The following GOLGA8Q variants were observed in gnomAD, a reference collection of about 807,000 sequenced individuals.
The protein encoded by GOLGA8Q is golgin A8 family member Q.
A neutral mutation model predicts 48.7 loss-of-function variants in GOLGA8Q; 3 were observed. The ratio of observed to expected loss-of-function variants is 0.06; its 90% CI spans 0.03 to 0.16. GOLGA8Q has a LOEUF of 0.16. Among genes scored for constraint, GOLGA8Q ranks in the 10% least tolerant of loss-of-function variants. The pLI, the probability that GOLGA8Q is intolerant of heterozygous loss-of-function variation, is 1.00. For synonymous variants in GOLGA8Q, 22 were observed against 138.2 expected (o/e 0.16, Z 5.90); for missense variants, 49 against 364.3 (o/e 0.13, Z 7.05).
rs1205276329 is a variant in GOLGA8Q at position 30,560,545 on chromosome 15, G to A, written c.1210G>A (p.Glu404Lys). 3 of 1,119,746 alleles carry A rather than the reference G, an allele frequency of 2.7e-6. No individual in the cohort carries two copies. The highest frequency in any genetic ancestry group is 2.4e-5 in the East Asian group (1 of 42,502). 69.4% of individuals were successfully genotyped at this position (1,119,746 alleles called of 1,614,324 possible). The change falls in exon 14 of 19, where the codon GAA becomes AAA. Residue 404 changes from glutamate (E) to lysine (K), a missense_variant. Transcript: ENST00000562783. ...LQEKLGEEHLEAASQQNQQLT... is the reference protein window; with the variant it reads ...LQEKLGEEHLKAASQQNQQLT... ...TTTCCTGGCCCCTTAGGAGCACCTG[G>A]AAGCGGCCAGCCAGCAGAACCAGCA...
chr15:30,555,703 C>T (rs1384961670), intron 4 of GOLGA8Q, among the ~76,000 whole-genome samples: 9 of 86,302 alleles, frequency 1.0e-4, no homozygotes, highest in African/African-American at 1.2e-4. Flanking sequence ...GAAGGAGGGG[C>T]CTTTCTGAAA....
rs1341645297 is a variant in GOLGA8Q, at chr15:30,565,303, CTGA to C, written c.*2804_*2806del. Among the ~76,000 whole-genome samples, 7 of 93,662 alleles carry C rather than the reference CTGA, an allele frequency of 7.5e-5. No individual in the cohort carries two copies. Among genetic ancestry groups the C allele is most frequent in the African/African-American group, 2.5e-4 (6 of 23,652 alleles). 61.4% of individuals were successfully genotyped at this position (93,662 alleles called of 152,430 possible). A position where few individuals can be genotyped will look rare whatever the true frequency, so the allele number is the denominator to read the frequency against. On this transcript the variant is annotated 3_prime_UTR_variant, in exon 19 of 19. Transcript: ENST00000562783. ...AAAAAAATCAGCTCTAAAACCAAAG[CTGA>C]TTTTAGAAAATTTGAAAATGTAAAT...
At chr15:30,555,605 A>G (rs1231925611) in intron 4 of GOLGA8Q, among the ~76,000 whole-genome samples, 4 of 109,010 alleles carry the variant, frequency 3.7e-5, no homozygotes, top group Admixed American at 8.3e-5. Context: ...TTTCCATCCT[A>G]TATCTGCTGT....
In GOLGA8Q at chr15:30,558,332, T is replaced by C. The variant is rs372898373; in HGVS notation, c.872T>C (p.Met291Thr). ...ERSLSKLKNQ[M>T]AEPLPPEPPA... ...AGCTTGTCCAAACTCAAAAACCAGA[T>C]GGGTAAGATGGGGCTGGCATGACCT... The change falls in exon 11 of 19, where the codon ATG becomes ACG. Residue 291 changes from methionine to threonine, a missense_variant and splice_region_variant. Transcript: ENST00000562783. 109 of 379,880 alleles carry C rather than the reference T, an allele frequency of 2.9e-4. 12 individuals carry two copies. Among genetic ancestry groups the C allele is most frequent in the East Asian group, 4.7e-4 (15 of 32,178 alleles). The allele number at this position is 379,880 out of a possible 1,614,324, so 23.5% of individuals were successfully genotyped here. A position where few individuals can be genotyped will look rare whatever the true frequency, so the allele number is the denominator to read the frequency against.
rs1192586779 is a variant in GOLGA8Q, at chr15:30,557,055, G to A, written c.591+355G>A. On this transcript the variant is annotated intron_variant, in intron 8 of 18. Transcript: ENST00000562783. Reference sequence around the variant, plus strand: ...TACCATTTCTGTAGAAAGAGGAAACGCGTGCATGTGTGTGTGTGTGTGTGT... The same window carrying A: ...TACCATTTCTGTAGAAAGAGGAAACACGTGCATGTGTGTGTGTGTGTGTGT... Among the ~76,000 whole-genome samples the A allele has an allele frequency of 5.1e-4, 49 of 96,686 alleles. 1 individual carries two copies. Among genetic ancestry groups the A allele is most frequent in the African/African-American group, 1.7e-3 (33 of 19,330 alleles). The allele number at this position is 96,686 out of a possible 152,430, so 63.4% of individuals were successfully genotyped here. A position where few individuals can be genotyped will look rare whatever the true frequency, so the allele number is the denominator to read the frequency against.
Position 30,558,001 on chromosome 15 carries a change from G to C in GOLGA8Q, c.736G>C (p.Glu246Gln). ...AAGAGATGAGTGTGCTGAACATATA[G>C]AAGGAGAGAGGGCCCGGTGGCATCA... ...LERDECAEHI[E>Q]GERARWHQRM... The change falls in exon 10 of 19, where the codon GAA (glutamate) becomes CAA (glutamine). Residue 246 changes from glutamate (E) to glutamine (Q), a missense_variant. Transcript: ENST00000562783. 8.2e-7 allele frequency: 1 copy of C among 1,216,944 alleles called. No homozygotes were observed. Among genetic ancestry groups the C allele is most frequent in the South Asian group, 1.2e-5 (1 of 81,538 alleles). 75.4% of individuals were successfully genotyped at this position (1,216,944 alleles called of 1,614,324 possible).
At position 30,556,603 on chromosome 15, in the gene GOLGA8Q, AC is replaced by A; in HGVS notation, c.496del (p.Leu166TrpfsTer15). ...SLRYFEEESK[D>X]LAVRLQHSLQ... ...TCTCTCATTACAGAAGAGTCCAAGG[AC>A]CTGGCTGTCCGCCTGCAACATTCAT... On this transcript the variant is annotated frameshift_variant, in exon 8 of 19. Transcript: ENST00000562783. LOFTEE classifies it high-confidence loss of function. 1 of 810,778 alleles carries A rather than the reference AC, an allele frequency of 1.2e-6. No homozygotes were observed. Among genetic ancestry groups the A allele is most frequent in the South Asian group, 1.4e-5 (1 of 69,034 alleles). The allele number at this position is 810,778 out of a possible 1,614,324, so 50.2% of individuals were successfully genotyped here. A position where few individuals can be genotyped will look rare whatever the true frequency, so the allele number is the denominator to read the frequency against.
chr15:30,559,903 CT>C (rs1172799264), intron 13 of GOLGA8Q, among the ~76,000 whole-genome samples: 1 of 134,290 alleles, frequency 7.4e-6, no homozygotes, highest in Non-Finnish European at 1.6e-5. Context: ...GGATTCCAGC[CT>C]CGGTTCCACT....
In GOLGA8Q at chr15:30,558,024, T is replaced by G. The variant is rs775752046; in HGVS notation, c.759T>G (p.His253Gln). The change falls in exon 10 of 19, where the codon CAT becomes CAG. Residue 253 changes from histidine to glutamine, a missense_variant. His to Gln is a conservative substitution (Grantham distance 24). Transcript: ENST00000562783. ...TAGAAGGAGAGAGGGCCCGGTGGCA[T>G]CAGAGGATGAGTAAAATGTTGCAGG... is the stretch of plus-strand genomic sequence containing the variant. ...EHIEGERARW[H>Q]QRMSKMLQEI... 1.3e-5 allele frequency: 14 copies of G among 1,110,400 alleles called. 3 individuals are homozygous for G. Among genetic ancestry groups the G allele is most frequent in the Admixed American group, 4.4e-5 (2 of 45,884 alleles). The allele number at this position is 1,110,400 out of a possible 1,614,324, so 68.8% of individuals were successfully genotyped here. A position where few individuals can be genotyped will look rare whatever the true frequency, so the allele number is the denominator to read the frequency against.
chr15:30,559,720 T>A (rs1595582653), intron 13 of GOLGA8Q, among the ~76,000 whole-genome samples: 1 of 150,186 alleles, frequency 6.7e-6, no homozygotes, highest in Non-Finnish European at 1.5e-5. Context: ...TAGCAGGGCA[T>A]TGTGGCGCAT....
At chr15:30,554,383 A>T (rs374104841) in intron 2 of GOLGA8Q, among the ~76,000 whole-genome samples, 59 of 92,190 alleles carry the variant, frequency 6.4e-4, no homozygotes, top group East Asian at 1.4e-3. Flanking sequence ...GCAAGTTGCT[A>T]GACCTCATTG....
In GOLGA8Q at chr15:30,560,789, G is replaced by T; in HGVS notation, c.1276+178G>T. 3.2e-6 allele frequency: 2 copies of T among 628,466 alleles called. 1 individual carries two copies. Among genetic ancestry groups the T allele is most frequent in the Non-Finnish European group, 4.8e-6 (2 of 412,784 alleles). The allele number at this position is 628,466 out of a possible 1,614,324, so 38.9% of individuals were successfully genotyped here. On this transcript the variant is annotated intron_variant, in intron 14 of 18. Transcript: ENST00000562783. ...CCTCCTGTGAGCGGGCAGTCACCAAGTTGCCTAAGGGTGGCTGAACTGGCC... is the reference window on the plus strand; with the variant it reads ...CCTCCTGTGAGCGGGCAGTCACCAATTTGCCTAAGGGTGGCTGAACTGGCC...
chr15:30,552,204 T>TA, intron 1 of GOLGA8Q, 79 bp downstream of exon 1: 1 of 309,864 alleles, frequency 3.2e-6, no homozygotes. Flanking sequence ...AGAGTCTATA[T>TA]GACTCCTGAG....
intron 8 of GOLGA8Q, among the ~76,000 whole-genome samples, chr15:30,556,940 C>A (rs1411810797): frequency 1.1e-5 from 1 of 90,222 alleles, no homozygotes; most frequent in East Asian, 2.2e-4. Flanking sequence ...GTGCCTGCCC[C>A]GCCCTTACCT....
At chr15:30,560,638 G>T in intron 14 of GOLGA8Q, 27 bp downstream of exon 14, 1 of 1,074,312 alleles carries the variant, frequency 9.3e-7, no homozygotes, top group East Asian at 2.4e-5. Context: ...AGAGGAAGAG[G>T]AGAGAGCCCC....
intron 13 of GOLGA8Q, among the ~76,000 whole-genome samples, chr15:30,559,800 G>C (rs1432081704): frequency 7.0e-6 from 1 of 142,420 alleles, no homozygotes; most frequent in Non-Finnish European, 1.5e-5. Flanking sequence ...GGAGGTTGCA[G>C]TGAGCTGAGA....
chr15:30,558,055 A>G lies in GOLGA8Q; in HGVS notation c.786+4A>G, dbSNP rs1399010585. On this transcript the variant is annotated splice_donor_region_variant and intron_variant, in intron 10 of 18. Transcript: ENST00000562783. Reference sequence around the variant, plus strand: ...GATGAGTAAAATGTTGCAGGAGGTGAGATCTGACCCTTCAGCCCCCCCACA... The same window carrying G: ...GATGAGTAAAATGTTGCAGGAGGTGGGATCTGACCCTTCAGCCCCCCCACA... 1.9e-6 allele frequency: 2 copies of G among 1,080,706 alleles called. No homozygotes were observed. Among genetic ancestry groups the G allele is most frequent in the South Asian group, 1.4e-5 (1 of 71,618 alleles). The allele number at this position is 1,080,706 out of a possible 1,614,324, so 66.9% of individuals were successfully genotyped here. A position where few individuals can be genotyped will look rare whatever the true frequency, so the allele number is the denominator to read the frequency against.
At chr15:30,554,326 G>A (rs1200505527) in intron 2 of GOLGA8Q, among the ~76,000 whole-genome samples, 2 of 121,004 alleles carry the variant, frequency 1.7e-5, no homozygotes, top group Non-Finnish European at 3.4e-5. Context: ...GGAATTCTGG[G>A]TTTGAATCCT....
chr15:30,555,676 T>G (rs2059637326), intron 4 of GOLGA8Q, among the ~76,000 whole-genome samples: 1 of 96,832 alleles, frequency 1.0e-5, no homozygotes, highest in African/African-American at 4.7e-5. Flanking sequence ...CCCACTTTTC[T>G]AAATCACAAG....
Sources: allele counts gnomAD v4.1 joint callset (sites outside exome capture counted in the v4.1 genomes callset), GRCh38; gene constraint gnomAD v4.1.1; transcripts MANE v1.5; gene names NCBI Gene and HGNC (gene_info 2026-07-23, HGNC 2026-07-21).